RBM25: variants seen among roughly 807,000 people sequenced by gnomAD.
RBM25 encodes the protein RNA binding motif protein 25, also known as RNA-binding protein 25.
In RBM25, 19 loss-of-function variants were observed where a neutral mutation model predicts 120.7. That is an observed-to-expected ratio of 0.16 (90% CI 0.11 to 0.23). The LOEUF (loss-of-function observed/expected upper bound fraction) is 0.23. Ranked by LOEUF, RBM25 falls within the 10% of genes least tolerant of loss-of-function variation. The probability of loss-of-function intolerance (pLI) is 1.00; values close to 1 mark genes in which losing one functional copy is unlikely to be tolerated. For synonymous variants in RBM25, 390 were observed against 326.7 expected, an observed-to-expected ratio of 1.19 and a Z score of -2.09; for missense variants, 605 against 1,041.5, an observed-to-expected ratio of 0.58 and a Z score of 5.77.
rs778617388 is a variant in RBM25 at position 73,119,828 on chromosome 14, AT to A, written c.*26del. On this transcript the variant is annotated 3_prime_UTR_variant, in exon 19 of 19. Transcript: ENST00000261973. ...TAAAACTTTTTATATTTAGAGTTCC[AT>A]TTCAGATTTCTTCTTTGCCACCCTT... The A allele has an allele frequency of 6.3e-7, 1 of 1,588,012 alleles. No individual in the cohort carries two copies. The highest frequency in any genetic ancestry group is 1.2e-5 in the South Asian group (1 of 85,392).
At position 73,119,802 on chromosome 14, in the gene RBM25, G is replaced by A. The variant is rs1188857785; in HGVS notation, c.2529G>A (p.Lys843=). ...ETEAKKIGLV[K] Reference sequence around the variant, plus strand: ...AAGCCAAGAAAATTGGTCTTGTGAAGTAAAACTTTTTATATTTAGAGTTCC... The same window carrying A: ...AAGCCAAGAAAATTGGTCTTGTGAAATAAAACTTTTTATATTTAGAGTTCC... The change falls in exon 19 of 19, where the codon AAG becomes AAA. Residue 843 remains lysine, a synonymous_variant. Coordinates refer to ENST00000261973, the MANE Select transcript of RBM25 (RefSeq NM_021239.3). 3 of 1,601,664 alleles carry A rather than the reference G, an allele frequency of 1.9e-6. No individual in the cohort carries two copies. The East Asian group carries it at 6.7e-5, about 36-fold the overall frequency.
chr14:73,094,831 G>GTGTGTGTC (rs1566593362), intron 6 of RBM25, among the ~76,000 whole-genome samples: 1 of 132,530 alleles, frequency 7.5e-6, no homozygotes, highest in Non-Finnish European at 1.8e-5. Flanking sequence ...GTGTGTGTGT[G>GTGTGTGTC]TGTGTGTGTG....
chr14:73,072,241 G>A (rs939216156), intron 2 of RBM25, among the ~76,000 whole-genome samples: 1 of 151,746 alleles, frequency 6.6e-6, no homozygotes, highest in African/African-American at 2.4e-5. Flanking sequence ...CAAAGTGCGG[G>A]ATTACAGGTG....
At chr14:73,073,550 G>A (rs552562530) in intron 2 of RBM25, among the ~76,000 whole-genome samples, 119 of 152,218 alleles carry the variant, frequency 7.8e-4, no homozygotes, top group African/African-American at 2.6e-3. Context: ...TTAGCTGGGC[G>A]TGGTGGCTCA....
chr14:73,110,723 C>T, intron 14 of RBM25, 108 bp from the exon 15 acceptor site: 6 of 1,358,630 alleles, frequency 4.4e-6, no homozygotes, highest in Non-Finnish European at 5.9e-6. Context: ...GCCACCATAC[C>T]TGGCCTTTTC....
chr14:73,078,169 G>A (rs556078436), intron 4 of RBM25, among the ~76,000 whole-genome samples: 4 of 152,188 alleles, frequency 2.6e-5, no homozygotes, highest in African/African-American at 9.6e-5. Context: ...CAGGCGTGGT[G>A]GCGTGTGCCT....
chr14:73,087,065 C>A lies in RBM25; in HGVS notation c.383-936C>A, dbSNP rs867752537. Among the ~76,000 whole-genome samples the A allele has an allele frequency of 9.3e-5, 4 of 42,928 alleles. No homozygotes were observed. The Admixed American group carries it at 9.7e-4, about 10-fold the overall frequency. 28.2% of individuals were successfully genotyped at this position (42,928 alleles called of 152,430 possible). ...TTTATGGTATATCACACTGAAATGT[C>A]AAATTTACTATTTTAATATCAGTAG... On this transcript the variant is annotated intron_variant, in intron 5 of 18. Coordinates refer to ENST00000261973, the MANE Select transcript of RBM25 (RefSeq NM_021239.3).
intron 1 of RBM25, among the ~76,000 whole-genome samples, chr14:73,059,633 G>C (rs1894952580): frequency 6.6e-6 from 1 of 152,150 alleles, no homozygotes. Flanking sequence ...GTATTAGGCC[G>C]TGGGCAGTAA....
intron 12 of RBM25, among the ~76,000 whole-genome samples, chr14:73,106,632 C>T (rs362430): frequency 0.038 from 5,823 of 151,858 alleles, 359 homozygotes; most frequent in African/African-American, 0.13. Flanking sequence ...TTTGAAATTC[C>T]GTAAGTTAAG....
rs1373384143 is a variant in RBM25 at position 73,120,072 on chromosome 14, G to C, written c.*267G>C. ...CGCAGCTACTGTACACAGCCTATCT[G>C]ATATAATCTTGTTCTGCTGATTTGT... is the stretch of plus-strand genomic sequence containing the variant. On this transcript the variant is annotated 3_prime_UTR_variant, in exon 19 of 19. Coordinates refer to ENST00000261973, the MANE Select transcript of RBM25 (RefSeq NM_021239.3). 9 of 248,378 alleles carry C rather than the reference G, an allele frequency of 3.6e-5. No individual in the cohort carries two copies. In the East Asian group the frequency reaches 1.2e-3, roughly 33 times the overall value. The allele number at this position is 248,378 out of a possible 1,614,324, so 15.4% of individuals were successfully genotyped here. A position where few individuals can be genotyped will look rare whatever the true frequency, so the allele number is the denominator to read the frequency against.
intron 1 of RBM25, chr14:73,068,556 A>G (rs1895199028): frequency 1.5e-6 from 1 of 652,254 alleles, no homozygotes; most frequent in African/African-American, 1.8e-5. Flanking sequence ...ATTCTTTGGC[A>G]CTGATGTGCT....
At position 73,117,205 on chromosome 14, in the gene RBM25, C is replaced by CTTTTAT. The variant is rs1896448964; in HGVS notation, c.2440-2504_2440-2503insATTTTT. On this transcript the variant is annotated intron_variant, in intron 18 of 18. Coordinates refer to ENST00000261973, the MANE Select transcript of RBM25 (RefSeq NM_021239.3). ...ATTTCTTTCTTTTAATTTCTTTCTT[C>CTTTTAT]TTTTCTTTTTTTTTTTTTTTTTTTT... Among the ~76,000 whole-genome samples the CTTTTAT allele has an allele frequency of 6.3e-4, 23 of 36,558 alleles. 1 individual carries two copies. Among genetic ancestry groups the CTTTTAT allele is most frequent in the African/African-American group, 2.1e-3 (21 of 9,772 alleles). The allele number at this position is 36,558 out of a possible 152,430, so 24.0% of individuals were successfully genotyped here.
At chr14:73,099,249 T>A in intron 7 of RBM25, 131 bp from the exon 8 acceptor site, 2 of 782,674 alleles carry the variant, frequency 2.6e-6, no homozygotes, top group South Asian at 3.9e-5. Context: ...CCCAAGTAAT[T>A]TGAAATCAAG....
intron 7 of RBM25, among the ~76,000 whole-genome samples, chr14:73,098,412 G>A (rs1895993412): frequency 1.3e-5 from 2 of 152,050 alleles, no homozygotes. Flanking sequence ...CTACAAGTGT[G>A]AATCACTCAT....
Position 73,114,266 on chromosome 14 carries a change from C to CA in RBM25, c.2392-18dup, listed in dbSNP as rs1896376834. 1 of 1,485,748 alleles carries CA rather than the reference C, an allele frequency of 6.7e-7. No individual in the cohort carries two copies. The highest frequency in any genetic ancestry group is 2.3e-5 in the Admixed American group (1 of 43,738). The allele number at this position is 1,485,748 out of a possible 1,614,324, so 92.0% of individuals were successfully genotyped here. A position where few individuals can be genotyped will look rare whatever the true frequency, so the allele number is the denominator to read the frequency against. ...AATTTTTTATTTATTTTTAATGTGACAATTATTTTTCTCTTTTAGGTTATG... is the reference window on the plus strand; with the variant it reads ...AATTTTTTATTTATTTTTAATGTGACAAATTATTTTTCTCTTTTAGGTTATG... On this transcript the variant is annotated intron_variant, in intron 17 of 18. Coordinates refer to ENST00000261973, the MANE Select transcript of RBM25 (RefSeq NM_021239.3).
chr14:73,088,285 T>A, intron 6 of RBM25, 124 bp downstream of exon 6: 2 of 1,207,316 alleles, frequency 1.7e-6, no homozygotes, highest in Non-Finnish European at 2.4e-6. Flanking sequence ...TGTGGCTTAA[T>A]GTAGGAGGGT....
chr14:73,065,930 C>T (rs932620094), intron 1 of RBM25, among the ~76,000 whole-genome samples: 4 of 152,084 alleles, frequency 2.6e-5, no homozygotes, highest in African/African-American at 4.8e-5. Flanking sequence ...GAGTTCATGG[C>T]CCAGTCTTGT....
chr14:73,072,145 T>C (rs1360723344), intron 2 of RBM25, among the ~76,000 whole-genome samples: 2 of 152,116 alleles, frequency 1.3e-5, no homozygotes, highest in African/African-American at 2.4e-5. Flanking sequence ...CTAAGTTTTA[T>C]ATTTTTAGTA....
rs214291 is a variant in RBM25 at position 73,110,053 on chromosome 14, T to G, written c.1692+561T>G. ...GCACGTGCCACCACTCCTGACTAAT[T>G]TTTGTATTTTTAGTGGCGACGGGGT... is the stretch of plus-strand genomic sequence containing the variant. On this transcript the variant is annotated intron_variant, in intron 14 of 18. Transcript: ENST00000261973. Among the ~76,000 whole-genome samples, 1,145 of 151,502 alleles carry G rather than the reference T, an allele frequency of 7.6e-3. 19 individuals carry two copies. Among genetic ancestry groups the G allele is most frequent in the African/African-American group, 0.027 (1,103 of 41,330 alleles).
Sources: allele counts gnomAD v4.1 joint callset (sites outside exome capture counted in the v4.1 genomes callset), GRCh38; gene constraint gnomAD v4.1.1; transcripts MANE v1.5; gene names NCBI Gene and HGNC (gene_info 2026-07-23, HGNC 2026-07-21).